The following MAB21L3 variants were observed in gnomAD, a reference collection of about 807,000 sequenced individuals.
MAB21L3 encodes the protein protein mab-21-like 3.
Under a neutral mutation model 37.7 loss-of-function variants are expected in MAB21L3, and 36 were observed. The ratio of observed to expected loss-of-function variants is 0.96; its 90% CI spans 0.73 to 1.26. MAB21L3 has a LOEUF of 1.26. Among genes scored for constraint, MAB21L3 ranks in the 50% most tolerant of loss-of-function variants. MAB21L3 has a pLI of 0.00. For synonymous variants in MAB21L3, 186 were observed against 176.8 expected (o/e 1.05, Z -0.41); for missense variants, 430 against 447.3 (o/e 0.96, Z 0.35).
intron 4 of MAB21L3, 93 bp from the exon 5 acceptor site, chr1:116,123,973 G>C: frequency 7.4e-7 from 1 of 1,348,250 alleles, no homozygotes; most frequent in Non-Finnish European, 1.0e-6. Flanking sequence ...GTGGTTAACA[G>C]AGCTGCCTGA....
At position 116,124,233 on chromosome 1, in the gene MAB21L3, T is replaced by C; in HGVS notation, c.357T>C (p.Phe119=). The C allele has an allele frequency of 6.2e-7, 1 of 1,614,220 alleles. No homozygotes were observed. The part of the protein sequence containing the change: ...GLQQWLEVEQ[F]MKSLWQWHET... Reference sequence around the variant, plus strand: ...AGCAGTGGCTGGAGGTGGAACAGTTTATGAAGAGCCTGTGGCAGTGGCATG... The same window carrying C: ...AGCAGTGGCTGGAGGTGGAACAGTTCATGAAGAGCCTGTGGCAGTGGCATG... Residue 119 remains phenylalanine, a synonymous_variant, in exon 5 of 8, where the codon TTT becomes TTC. Transcript: ENST00000369500.
In MAB21L3 at chr1:116,136,627, T is replaced by C. The variant is rs1660204362; in HGVS notation, c.*3262T>C. Among the ~76,000 whole-genome samples, 2 of 152,230 alleles carry C rather than the reference T, an allele frequency of 1.3e-5. No individual in the cohort carries two copies. The highest frequency in any genetic ancestry group is 2.1e-4 in the South Asian group (1 of 4,828). On this transcript the variant is annotated 3_prime_UTR_variant, in exon 8 of 8. Coordinates refer to ENST00000369500, the MANE Select transcript of MAB21L3 (RefSeq NM_152367.3). ...TTCACAGAATTGGAAAAAACTACTT[T>C]AAAGTTCATATGGAACCAAAAAAGA...
chr1:116,117,113 G>T (rs1302791483), intron 3 of MAB21L3, among the ~76,000 whole-genome samples: 1 of 146,276 alleles, frequency 6.8e-6, no homozygotes, highest in Non-Finnish European at 1.5e-5. Context: ...TGATTTGATG[G>T]TGATGAATTT....
rs1660187192 is a variant in MAB21L3, at chr1:116,135,698, T to G, written c.*2333T>G. ...TAAAAAAGAGAATTTTAGACCAATA[T>G]CCTTGTTGAACATTGATGCAAAAAT... On this transcript the variant is annotated 3_prime_UTR_variant, in exon 8 of 8. Transcript: ENST00000369500. Among the ~76,000 whole-genome samples the G allele has an allele frequency of 6.6e-6, 1 of 152,194 alleles. No homozygotes were observed. Among genetic ancestry groups the G allele is most frequent in the South Asian group, 2.1e-4 (1 of 4,828 alleles).
chr1:116,117,772 C>T (rs527552943), intron 3 of MAB21L3, among the ~76,000 whole-genome samples: 56 of 152,182 alleles, frequency 3.7e-4, no homozygotes, highest in Non-Finnish European at 5.1e-4. Context: ...TAACATCTCC[C>T]ACTCTATAAA....
chr1:116,131,697 G>A (rs912384374), intron 7 of MAB21L3, among the ~76,000 whole-genome samples: 3 of 152,098 alleles, frequency 2.0e-5, no homozygotes, highest in Admixed American at 1.3e-4. Context: ...TGTATTTTTA[G>A]TAGAGATGGG....
intron 6 of MAB21L3, 69 bp downstream of exon 6, chr1:116,127,713 G>T: frequency 6.9e-7 from 1 of 1,456,128 alleles, no homozygotes; most frequent in South Asian, 1.4e-5. Flanking sequence ...CAGCATTACT[G>T]ACTGCCAATG....
intron 3 of MAB21L3, among the ~76,000 whole-genome samples, chr1:116,115,727 T>A (rs1474844420): frequency 6.6e-6 from 1 of 152,224 alleles, no homozygotes; most frequent in Non-Finnish European, 1.5e-5. Flanking sequence ...TAAATCCCCA[T>A]AATTTATATT....
chr1:116,118,173 G>A (rs1659645073), intron 3 of MAB21L3, among the ~76,000 whole-genome samples: 1 of 152,094 alleles, frequency 6.6e-6, no homozygotes, highest in Non-Finnish European at 1.5e-5. Context: ...CAAGAGGTCA[G>A]GAGATTGACA....
chr1:116,136,862 C>A lies in MAB21L3; in HGVS notation c.*3497C>A, dbSNP rs1202958237. Among the ~76,000 whole-genome samples, 1 of 144,006 alleles carries A rather than the reference C, an allele frequency of 6.9e-6. No homozygotes were observed. The highest frequency in any genetic ancestry group is 2.6e-5 in the African/African-American group (1 of 38,274). The allele number at this position is 144,006 out of a possible 152,430, so 94.5% of individuals were successfully genotyped here. A position where few individuals can be genotyped will look rare whatever the true frequency, so the allele number is the denominator to read the frequency against. ...TGATCTTTGACAAACCTGAGAAAAACAAGCAATGGGGAAAGGATTCCCTAT... is the reference window on the plus strand; with the variant it reads ...TGATCTTTGACAAACCTGAGAAAAAAAAGCAATGGGGAAAGGATTCCCTAT... On this transcript the variant is annotated 3_prime_UTR_variant, in exon 8 of 8. Transcript: ENST00000369500.
At chr1:116,122,293 A>G (rs1659773735) in intron 4 of MAB21L3, among the ~76,000 whole-genome samples, 1 of 152,334 alleles carries the variant, frequency 6.6e-6, no homozygotes, top group South Asian at 2.1e-4. Flanking sequence ...GAATGCTAGA[A>G]TATCACTTGC....
chr1:116,115,764 G>C (rs1659571273), intron 3 of MAB21L3, among the ~76,000 whole-genome samples: 1 of 152,144 alleles, frequency 6.6e-6, no homozygotes, highest in Non-Finnish European at 1.5e-5. Flanking sequence ...TCATGAACTT[G>C]AGCTATTAAT....
intron 7 of MAB21L3, among the ~76,000 whole-genome samples, chr1:116,129,963 C>T (rs914106166): frequency 2.0e-5 from 3 of 152,222 alleles, no homozygotes; most frequent in African/African-American, 7.2e-5. Flanking sequence ...GCAGGCTGTT[C>T]TCCTGGATGG....
chr1:116,119,160 G>C (rs1487014219), intron 3 of MAB21L3, among the ~76,000 whole-genome samples: 1 of 152,120 alleles, frequency 6.6e-6, no homozygotes, highest in African/African-American at 2.4e-5. Flanking sequence ...TCCCATAATA[G>C]CATCCCACAA....
At chr1:116,120,076 C>T (rs1259827139) in intron 3 of MAB21L3, among the ~76,000 whole-genome samples, 1 of 152,042 alleles carries the variant, frequency 6.6e-6, no homozygotes, top group South Asian at 2.1e-4. Flanking sequence ...GTGACAATAC[C>T]ATGGTAGAGT....
chr1:116,136,589 A>G lies in MAB21L3; in HGVS notation c.*3224A>G, dbSNP rs929089785. ...GATTCAATGCCATCCCCATCAAGCTACCAATGACTTTCTTCACAGAATTGG... is the reference window on the plus strand; with the variant it reads ...GATTCAATGCCATCCCCATCAAGCTGCCAATGACTTTCTTCACAGAATTGG... On this transcript the variant is annotated 3_prime_UTR_variant, in exon 8 of 8. Transcript: ENST00000369500. Among the ~76,000 whole-genome samples the G allele has an allele frequency of 3.3e-5, 5 of 152,184 alleles. No individual in the cohort carries two copies. The highest frequency in any genetic ancestry group is 7.3e-5 in the Non-Finnish European group (5 of 68,034).
At chr1:116,115,580 G>T (rs1249163477) in intron 3 of MAB21L3, among the ~76,000 whole-genome samples, 1 of 152,158 alleles carries the variant, frequency 6.6e-6, no homozygotes, top group Non-Finnish European at 1.5e-5. Flanking sequence ...CATACACATA[G>T]TCTGCATGGT....
chr1:116,115,817 G>A (rs1226907877), intron 3 of MAB21L3, among the ~76,000 whole-genome samples: 1 of 152,216 alleles, frequency 6.6e-6, no homozygotes, highest in Non-Finnish European at 1.5e-5. Flanking sequence ...CTGATGCTGT[G>A]GTTAAGGAGG....
At position 116,111,452 on chromosome 1, in the gene MAB21L3, T is replaced by C. The variant is rs1659422222; in HGVS notation, c.-450T>C. On this transcript the variant is annotated 5_prime_UTR_variant, in exon 1 of 8. Coordinates refer to ENST00000369500, the MANE Select transcript of MAB21L3 (RefSeq NM_152367.3). ...GAGGCCCCAAATAGTGCAGTGGCCT[T>C]TGTGGGCAGCACTTACAGGTGGGCT... 6.6e-6 allele frequency among the ~76,000 whole-genome samples: 1 copy of C among 152,096 alleles called. No homozygotes were observed. Among genetic ancestry groups the C allele is most frequent in the South Asian group, 2.1e-4 (1 of 4,812 alleles).
Sources: gnomAD v4.1 joint callset for allele counts (sites outside exome capture counted in the v4.1 genomes callset) on GRCh38, gnomAD v4.1.1 for gene constraint, MANE v1.5 for transcripts, NCBI Gene and HGNC (gene_info 2026-07-23, HGNC 2026-07-21) for gene names.